Variants in ZC3H11A observed in about 807,000 individuals in gnomAD.
ZC3H11A encodes zinc finger CCCH domain-containing protein 11A.
In ZC3H11A, 22 loss-of-function variants were observed where a neutral mutation model predicts 90.8. The observed-to-expected ratio is 0.24, with a 90% CI of 0.17 to 0.35. ZC3H11A has a LOEUF of 0.35. Ranked by LOEUF, ZC3H11A falls within the 10% of genes least tolerant of loss-of-function variation. ZC3H11A has a pLI of 1.00. For synonymous variants in ZC3H11A, 294 were observed against 339.8 expected (o/e 0.87, Z 1.48); for missense variants, 701 against 964.9 (o/e 0.73, Z 3.62).
intron 2 of ZC3H11A, among the ~76,000 whole-genome samples, chr1:203,809,388 G>T (rs1056437491): frequency 1.3e-5 from 2 of 151,160 alleles, no homozygotes; most frequent in Non-Finnish European, 2.9e-5. Flanking sequence ...TATTGGCCAG[G>T]CTGGTCTCAA....
intron 12 of ZC3H11A, among the ~76,000 whole-genome samples, chr1:203,841,661 C>A (rs2103266444): frequency 6.6e-6 from 1 of 152,360 alleles, no homozygotes; most frequent in South Asian, 2.1e-4. Context: ...TCTCAATGAG[C>A]TGTTGGGTAC....
At chr1:203,824,679 G>A (rs931995690) in intron 4 of ZC3H11A, among the ~76,000 whole-genome samples, 5 of 152,132 alleles carry the variant, frequency 3.3e-5, no homozygotes, top group African/African-American at 4.8e-5. Context: ...TTGGTTCCAC[G>A]GCTTTTGGTT....
At chr1:203,830,924 A>G (rs1176794173) in intron 8 of ZC3H11A, among the ~76,000 whole-genome samples, 1 of 89,894 alleles carries the variant, frequency 1.1e-5, no homozygotes, top group Non-Finnish European at 2.3e-5. Context: ...TCCAACCCCC[A>G]ATTTTTTTTT....
chr1:203,838,090 G>A (rs770464466), intron 11 of ZC3H11A, 26 bp downstream of exon 11: 22 of 1,601,296 alleles, frequency 1.4e-5, no homozygotes, highest in Admixed American at 1.7e-5. Flanking sequence ...CATACTTTGT[G>A]TGTGTATGTA....
At chr1:203,835,701 C>T (rs981626225) in intron 10 of ZC3H11A, 8 of 253,752 alleles carry the variant, frequency 3.2e-5, no homozygotes, top group Non-Finnish European at 5.9e-5. Flanking sequence ...TACCTTTCCC[C>T]AGATGACTCT....
intron 5 of ZC3H11A, chr1:203,829,128 T>G: frequency 3.1e-6 from 1 of 317,964 alleles, no homozygotes. Flanking sequence ...AGAAGCTACT[T>G]CTTTGCTGAG....
At chr1:203,829,963 A>T in intron 7 of ZC3H11A, 67 bp downstream of exon 7, 2 of 1,448,620 alleles carry the variant, frequency 1.4e-6, no homozygotes, top group Non-Finnish European at 1.9e-6. Context: ...TTAGTTCACA[A>T]TCATTGACCT....
rs1214719201 is a variant in ZC3H11A, at chr1:203,853,620, G to C, written c.*1221G>C. 4 of 152,644 alleles carry C rather than the reference G, an allele frequency of 2.6e-5. No homozygotes were observed. Among genetic ancestry groups the C allele is most frequent in the Admixed American group, 6.5e-5 (1 of 15,280 alleles). 9.5% of individuals were successfully genotyped at this position (152,644 alleles called of 1,614,324 possible). On this transcript the variant is annotated 3_prime_UTR_variant, in exon 18 of 18. Coordinates refer to ENST00000367210, the MANE Select transcript of ZC3H11A (RefSeq NM_001376342.1). ...TATTTTGCTGTAGGTGGCCAGTTTT[G>C]TTTCTCATAGGGAAATCTGACCCAC...
In ZC3H11A at chr1:203,805,694, C is replaced by T. The variant is rs891821573; in HGVS notation, c.-146+2678C>T. On this transcript the variant is annotated intron_variant, in intron 2 of 17. Transcript: ENST00000367210. ...CTTGTTTTTGTGACAGTGGGAACAC[C>T]TTCTGGAATTGCAGGTGCAGATGCT... 18 of 666,906 alleles carry T rather than the reference C, an allele frequency of 2.7e-5. No individual in the cohort carries two copies. The Middle Eastern group carries it at 1.4e-3, about 51-fold the overall frequency. 41.3% of individuals were successfully genotyped at this position (666,906 alleles called of 1,614,324 possible).
intron 2 of ZC3H11A, among the ~76,000 whole-genome samples, chr1:203,804,439 A>G (rs1671561153): frequency 1.3e-5 from 2 of 151,990 alleles, no homozygotes; most frequent in African/African-American, 2.4e-5. Flanking sequence ...AGCATGAGCC[A>G]CCACGCCCGG....
At chr1:203,807,846 A>G (rs184541043) in intron 2 of ZC3H11A, among the ~76,000 whole-genome samples, 11 of 152,166 alleles carry the variant, frequency 7.2e-5, no homozygotes, top group Admixed American at 5.9e-4. Context: ...GGCTCAAGCA[A>G]TCCTTCTGCC....
intron 4 of ZC3H11A, among the ~76,000 whole-genome samples, chr1:203,823,963 A>G (rs1416765444): frequency 2.0e-5 from 3 of 148,686 alleles, no homozygotes; most frequent in Admixed American, 6.6e-5. Context: ...GTGAAGAGCA[A>G]GGTGGGTTAA....
chr1:203,837,974 A>G lies in ZC3H11A; in HGVS notation c.883A>G (p.Ser295Gly), dbSNP rs759422080. ...GKRKFSAGGD[S>G]DPPLKRSLAQ... ...GTTCTCCCTCTTTATAGGCGGTGACAGTGATCCTCCATTAAAGCGTAGCCT... is the reference window on the plus strand; with the variant it reads ...GTTCTCCCTCTTTATAGGCGGTGACGGTGATCCTCCATTAAAGCGTAGCCT... The change falls in exon 11 of 18, where the codon AGT (serine) becomes GGT (glycine). Residue 295 changes from serine (S) to glycine (G), a missense_variant. By Grantham distance (56) the Ser-to-Gly change is moderately conservative. Around this residue, in one of 4 missense-constraint regions of ZC3H11A, gnomAD observed 530 missense variants for 696.2 expected, o/e 0.76. Coordinates refer to ENST00000367210, the MANE Select transcript of ZC3H11A (RefSeq NM_001376342.1). 4.3e-6 allele frequency: 7 copies of G among 1,613,230 alleles called. No individual in the cohort carries two copies. The highest frequency in any genetic ancestry group is 1.7e-5 in the Admixed American group (1 of 59,696).
intron 2 of ZC3H11A, among the ~76,000 whole-genome samples, chr1:203,811,076 GGTTGCA>G (rs1674321012): frequency 6.6e-6 from 1 of 151,722 alleles, no homozygotes; most frequent in Non-Finnish European, 1.5e-5. Context: ...AGAAGGTGGA[GGTTGCA>G]ATGAGCCGAG....
chr1:203,800,294 C>G lies in ZC3H11A; in HGVS notation c.-1587-1281C>G, dbSNP rs1014907080. The G allele has an allele frequency of 4.3e-6, 4 of 931,600 alleles. No individual in the cohort carries two copies. Among genetic ancestry groups the G allele is most frequent in the East Asian group, 2.6e-5 (1 of 38,256 alleles). The allele number at this position is 931,600 out of a possible 1,614,324, so 57.7% of individuals were successfully genotyped here. A position where few individuals can be genotyped will look rare whatever the true frequency, so the allele number is the denominator to read the frequency against. On this transcript the variant is annotated intron_variant, in intron 1 of 17. Transcript: ENST00000367210. The stretch of plus-strand genomic sequence containing the variant: ...AATGTATCTTTACTAAAAATAGCCA[C>G]TTTCATCCAAAACAGATCATGAGCC...
intron 3 of ZC3H11A, among the ~76,000 whole-genome samples, chr1:203,818,027 G>A (rs757602490): frequency 2.0e-4 from 30 of 152,178 alleles, no homozygotes; most frequent in East Asian, 3.9e-4. Flanking sequence ...GATTACAGGC[G>A]TGAGCCCCCA....
At chr1:203,825,649 T>C (rs1364436020) in intron 4 of ZC3H11A, among the ~76,000 whole-genome samples, 1 of 152,124 alleles carries the variant, frequency 6.6e-6, no homozygotes, top group Non-Finnish European at 1.5e-5. Context: ...TTGGTCAGGC[T>C]CCTGACCTCA....
At chr1:203,842,201 G>A (rs1212906883) in intron 12 of ZC3H11A, among the ~76,000 whole-genome samples, 12 of 152,170 alleles carry the variant, frequency 7.9e-5, no homozygotes, top group African/African-American at 1.7e-4. Context: ...ACGGGGTGGC[G>A]GCCGGGCAGA....
intron 14 of ZC3H11A, among the ~76,000 whole-genome samples, chr1:203,848,669 C>T (rs1425019599): frequency 1.3e-5 from 2 of 152,148 alleles, no homozygotes; most frequent in Non-Finnish European, 2.9e-5. Flanking sequence ...GGGCGGATCA[C>T]GAGGTCAGGA....
Sources: allele counts gnomAD v4.1 joint callset (sites outside exome capture counted in the v4.1 genomes callset), GRCh38; gene constraint gnomAD v4.1.1; regional missense constraint gnomAD v4.1.1; transcripts MANE v1.5; gene names NCBI Gene and HGNC (gene_info 2026-07-23, HGNC 2026-07-21).